Variants in ARK2N observed in about 807,000 individuals in gnomAD.
ARK2N encodes protein ARK2N.
At chr18:46,235,189 T>A in the ARK2N span, among the ~76,000 whole-genome samples, 55 of 152,240 alleles carry the variant, frequency 3.6e-4, no homozygotes, top group Non-Finnish European at 6.8e-4. Context: ...CAATTTCCAT[T>A]TGGCTTTGAA....
the ARK2N span, among the ~76,000 whole-genome samples, chr18:46,196,178 C>A: frequency 1.3e-5 from 2 of 151,676 alleles, no homozygotes; most frequent in Non-Finnish European, 2.9e-5. Flanking sequence ...TGGGGTTTCT[C>A]CATGTTGGTC....
At chr18:46,238,413 G>A in the ARK2N span, among the ~76,000 whole-genome samples, 1 of 152,096 alleles carries the variant, frequency 6.6e-6, no homozygotes. Flanking sequence ...GAACTCTGAC[G>A]AGAACGCCAT....
chr18:46,209,216 C>T, the ARK2N span, among the ~76,000 whole-genome samples: 1 of 151,226 alleles, frequency 6.6e-6, no homozygotes, highest in East Asian at 1.9e-4. Context: ...ATTGTTCTGA[C>T]TATATGAATT....
the ARK2N span, among the ~76,000 whole-genome samples, chr18:46,189,018 C>T: frequency 1.3e-5 from 2 of 152,032 alleles, no homozygotes; most frequent in African/African-American, 4.8e-5. Context: ...AGTTCGAGAC[C>T]AGCCTAGACT....
the ARK2N span, among the ~76,000 whole-genome samples, chr18:46,241,712 T>G: frequency 2.6e-5 from 4 of 151,568 alleles, no homozygotes; most frequent in East Asian, 7.9e-4. Flanking sequence ...GTGACAAAAC[T>G]AGACTGTATC....
At chr18:46,177,495 G>A in the ARK2N span, among the ~76,000 whole-genome samples, 10 of 148,332 alleles carry the variant, frequency 6.7e-5, no homozygotes, top group East Asian at 2.0e-4. Context: ...ACAGTGGCGC[G>A]GTCTTGGCTC....
the ARK2N span, among the ~76,000 whole-genome samples, chr18:46,200,573 T>G: frequency 1.3e-5 from 2 of 152,186 alleles, no homozygotes; most frequent in African/African-American, 4.8e-5. Flanking sequence ...CCCAAAGTGC[T>G]GAGATTACAG....
At chr18:46,250,469 A>C in the ARK2N span, among the ~76,000 whole-genome samples, 2 of 76,462 alleles carry the variant, frequency 2.6e-5, no homozygotes, top group African/African-American at 8.6e-5. Context: ...CCTAATTCCC[A>C]ACATTACTAA....
chr18:46,246,190 C>T, the ARK2N span, among the ~76,000 whole-genome samples: 1 of 152,002 alleles, frequency 6.6e-6, no homozygotes, highest in African/African-American at 2.4e-5. Flanking sequence ...TTTCTGTATG[C>T]TTTAGGCACT....
chr18:46,259,859 C>A, the ARK2N span, among the ~76,000 whole-genome samples: 2 of 136,216 alleles, frequency 1.5e-5, no homozygotes, highest in African/African-American at 5.4e-5. Flanking sequence ...TGGTGTCGAA[C>A]TTGTGAGCTC....
chr18:46,188,454 G>A, the ARK2N span, among the ~76,000 whole-genome samples: 13 of 152,144 alleles, frequency 8.5e-5, no homozygotes, highest in Non-Finnish European at 1.8e-4. Context: ...CACCTGCATA[G>A]GCCTCCCAAA....
the ARK2N span, among the ~76,000 whole-genome samples, chr18:46,258,771 A>G: frequency 1.4e-4 from 21 of 149,162 alleles, no homozygotes; most frequent in African/African-American, 5.4e-4. Context: ...CTTTCATGAT[A>G]CAGAAAAAGC....
chr18:46,244,601 A>ATTTTTTTTTTTT, the ARK2N span, among the ~76,000 whole-genome samples: 449 of 93,842 alleles, frequency 4.8e-3, 34 homozygotes, highest in East Asian at 0.017. Flanking sequence ...AAGAGTTTAG[A>ATTTTTTTTTTTT]TTTTTTTTTT....
the ARK2N span, among the ~76,000 whole-genome samples, chr18:46,249,250 GA>G: frequency 6.6e-6 from 1 of 151,884 alleles, no homozygotes; most frequent in African/African-American, 2.4e-5. Context: ...CTTTTTTTGA[GA>G]CGGAGTCTTG....
the ARK2N span, among the ~76,000 whole-genome samples, chr18:46,175,112 A>ACCCCCCCCCCCCCACCCCCCTCCC: frequency 7.5e-6 from 1 of 133,420 alleles, no homozygotes; most frequent in Non-Finnish European, 1.6e-5. Flanking sequence ...AAAATTGTCC[A>ACCCCCCCCCCCCCACCCCCCTCCC]CCCCCCCGCC....
chr18:46,244,252 A>C, the ARK2N span, among the ~76,000 whole-genome samples: 2 of 152,194 alleles, frequency 1.3e-5, no homozygotes, highest in African/African-American at 4.8e-5. Context: ...GGGCAAGAAG[A>C]AGCAGAAGTC....
chr18:46,263,225 A>C, the ARK2N span: 2 of 1,183,254 alleles, frequency 1.7e-6, no homozygotes, highest in African/African-American at 3.0e-5. Flanking sequence ...TGTTTGTGGC[A>C]TTTGTAGGAT....
At chr18:46,191,418 G>A in the ARK2N span, among the ~76,000 whole-genome samples, 2 of 151,430 alleles carry the variant, frequency 1.3e-5, no homozygotes, top group Non-Finnish European at 2.9e-5. Context: ...CTGATCTCAA[G>A]CAACCCTCAT....
At chr18:46,227,154 C>T in the ARK2N span, among the ~76,000 whole-genome samples, 6 of 152,082 alleles carry the variant, frequency 3.9e-5, no homozygotes, top group Non-Finnish European at 8.8e-5. Flanking sequence ...TTTATAATAA[C>T]ATCAATATGA....
Sources: gnomAD v4.1 joint callset for allele counts (sites outside exome capture counted in the v4.1 genomes callset) on GRCh38, gnomAD v4.1.1 for gene constraint, MANE v1.5 for transcripts, NCBI Gene and HGNC (gene_info 2026-07-23, HGNC 2026-07-21) for gene names.